Variants in TENM3 observed in about 807,000 individuals in gnomAD.
TENM3 encodes teneurin transmembrane protein 3.
In TENM3, 63 loss-of-function variants were observed where a neutral mutation model predicts 255.1. The ratio of observed to expected loss-of-function variants is 0.25; its 90% CI spans 0.20 to 0.30. The LOEUF is 0.30. TENM3 is among the 10% of genes least tolerant of loss of function. The pLI, the probability that TENM3 is intolerant of heterozygous loss-of-function variation, is 1.00. For missense variants in TENM3, 2,929 were observed against 3,461.1 expected, an observed-to-expected ratio of 0.85 and a Z score of 3.86; for synonymous variants, 1,306 against 1,322.3, an observed-to-expected ratio of 0.99 and a Z score of 0.27.
chr4:181,642,540 T>C, the TENM3 span, among the ~76,000 whole-genome samples: 2 of 151,772 alleles, frequency 1.3e-5, no homozygotes, highest in Non-Finnish European at 2.9e-5. Flanking sequence ...CATGAAGTCT[T>C]TGACCATGCC....
chr4:182,289,354 G>A (rs180887761), intron 1 of TENM3, among the ~76,000 whole-genome samples: 63 of 152,350 alleles, frequency 4.1e-4, no homozygotes, highest in African/African-American at 1.4e-3. Flanking sequence ...TCCTGGCCCC[G>A]CTCTCTGGAT....
intron 1 of TENM3, among the ~76,000 whole-genome samples, chr4:182,296,457 G>C (rs1761505014): frequency 1.3e-5 from 2 of 152,074 alleles, no homozygotes; most frequent in South Asian, 2.1e-4. Context: ...TAGACATCAT[G>C]AAAAAAACTT....
At chr4:181,942,360 G>A in the TENM3 span, among the ~76,000 whole-genome samples, 8 of 150,230 alleles carry the variant, frequency 5.3e-5, no homozygotes, top group South Asian at 6.4e-4. Context: ...TTGTGCAGCC[G>A]GTGGTGATAT....
In TENM3 at chr4:182,665,785, A is replaced by T. The variant is rs1368726244; in HGVS notation, c.1112-7220A>T. 6.6e-5 allele frequency among the ~76,000 whole-genome samples: 10 copies of T among 152,082 alleles called. 1 individual carries two copies. On this transcript the variant is annotated intron_variant, in intron 6 of 27. Transcript: ENST00000511685. ...GTGGCGGGCACCTGTAGTCCCAGCT[A>T]CTCAGGAGGCTGAGGCAGGAGAATG...
At chr4:181,489,658 T>G in the TENM3 span, among the ~76,000 whole-genome samples, 1 of 152,204 alleles carries the variant, frequency 6.6e-6, no homozygotes, top group African/African-American at 2.4e-5. Context: ...TATGTGTACA[T>G]GCATGTGTGT....
At chr4:181,479,906 TA>T in the TENM3 span, among the ~76,000 whole-genome samples, 1 of 152,178 alleles carries the variant, frequency 6.6e-6, no homozygotes, top group Non-Finnish European at 1.5e-5. Flanking sequence ...AAGTGCTTTG[TA>T]AAATTTTCAG....
chr4:182,616,509 AC>A, intron 4 of TENM3, among the ~76,000 whole-genome samples: 1 of 106,746 alleles, frequency 9.4e-6, no homozygotes, highest in East Asian at 2.6e-4. Context: ...GTACCCTAAA[AC>A]TTAAAGTATA....
At chr4:182,254,652 C>A (rs2150131296) in intron 1 of TENM3, among the ~76,000 whole-genome samples, 1 of 152,156 alleles carries the variant, frequency 6.6e-6, no homozygotes, top group South Asian at 2.1e-4. Flanking sequence ...TCATTTAAAC[C>A]TAGTAAGCTG....
chr4:182,230,857 T>TATATATATAA, intron 1 of TENM3, among the ~76,000 whole-genome samples: 1 of 119,178 alleles, frequency 8.4e-6, no homozygotes, highest in Non-Finnish European at 1.7e-5. Flanking sequence ...TATATATATA[T>TATATATATAA]CCCCCTTCTA....
At chr4:181,647,142 TATG>T in the TENM3 span, among the ~76,000 whole-genome samples, 1 of 152,080 alleles carries the variant, frequency 6.6e-6, no homozygotes, top group African/African-American at 2.4e-5. Context: ...GAAGAGAAAA[TATG>T]ATAAAAGTTT....
chr4:182,113,837 C>G, the TENM3 span, among the ~76,000 whole-genome samples: 1 of 152,138 alleles, frequency 6.6e-6, no homozygotes, highest in Non-Finnish European at 1.5e-5. Context: ...ACTCTTGCTA[C>G]TTTTAAACAA....
At chr4:181,488,920 TCTG>T in the TENM3 span, among the ~76,000 whole-genome samples, 1,358 of 152,308 alleles carry the variant, frequency 8.9e-3, 17 homozygotes, top group South Asian at 0.033. Context: ...TTCTCTCACA[TCTG>T]CCTATACTGG....
chr4:182,595,851 T>G (rs1747166937), intron 3 of TENM3, among the ~76,000 whole-genome samples: 1 of 151,070 alleles, frequency 6.6e-6, no homozygotes, highest in Non-Finnish European at 1.5e-5. Flanking sequence ...TTTGGTAAAA[T>G]ATAATTTATA....
chr4:181,809,724 G>A, the TENM3 span, among the ~76,000 whole-genome samples: 1 of 152,162 alleles, frequency 6.6e-6, no homozygotes, highest in African/African-American at 2.4e-5. Context: ...CCTGAGAAGG[G>A]AAGAGTCTCC....
chr4:181,854,951 C>A, the TENM3 span, among the ~76,000 whole-genome samples: 2 of 151,962 alleles, frequency 1.3e-5, no homozygotes, highest in Admixed American at 1.3e-4. Context: ...TTTTTTAAGG[C>A]CGTGTTTTCT....
At chr4:181,993,291 G>T in the TENM3 span, among the ~76,000 whole-genome samples, 1 of 152,074 alleles carries the variant, frequency 6.6e-6, no homozygotes, top group East Asian at 1.9e-4. Flanking sequence ...AGGTACAGAT[G>T]CTAACTTCAC....
chr4:182,109,406 G>A, the TENM3 span, among the ~76,000 whole-genome samples: 4 of 151,464 alleles, frequency 2.6e-5, no homozygotes, highest in Non-Finnish European at 5.9e-5. Flanking sequence ...AGAATCTGGA[G>A]ATGTGGAAAA....
At chr4:181,544,389 G>A in the TENM3 span, among the ~76,000 whole-genome samples, 2 of 111,072 alleles carry the variant, frequency 1.8e-5, no homozygotes, top group African/African-American at 3.6e-5. Flanking sequence ...ACTTCAAAGC[G>A]ATTTCTTTCC....
At chr4:182,082,660 G>A in the TENM3 span, among the ~76,000 whole-genome samples, 2 of 152,222 alleles carry the variant, frequency 1.3e-5, no homozygotes, top group East Asian at 3.9e-4. Context: ...CCTTCCTATT[G>A]TAATACAGAC....
Sources: gnomAD v4.1 joint callset for allele counts (sites outside exome capture counted in the v4.1 genomes callset) on GRCh38, gnomAD v4.1.1 for gene constraint, MANE v1.5 for transcripts, NCBI Gene and HGNC (gene_info 2026-07-23, HGNC 2026-07-21) for gene names.